The following PRELID2 variants were observed in gnomAD, a reference collection of about 807,000 sequenced individuals.
PRELID2 encodes PRELI domain containing 2.
A neutral mutation model predicts 28.4 loss-of-function variants in PRELID2; 25 were observed. The ratio of observed to expected loss-of-function variants is 0.88; its 90% CI spans 0.64 to 1.23. The LOEUF (loss-of-function observed/expected upper bound fraction) is 1.23. Ranked by LOEUF, PRELID2 falls within the 50% of genes most tolerant of loss-of-function variation. The probability of loss-of-function intolerance (pLI) is 0.00; values close to 1 mark genes in which losing one functional copy is unlikely to be tolerated. For missense variants in PRELID2, 201 were observed against 214.4 expected (o/e 0.94, Z 0.39); for synonymous variants, 76 against 71.6 (o/e 1.06, Z -0.31).
At chr5:145,338,509 T>C in the PRELID2 span, 3 of 152,214 alleles carry the variant, frequency 2.0e-5, no homozygotes, top group Admixed American at 6.5e-5. Flanking sequence ...TTCTGACAAA[T>C]TGCTGTTTTA....
At chr5:145,422,592 A>G in the PRELID2 span, among the ~76,000 whole-genome samples, 26 of 151,608 alleles carry the variant, frequency 1.7e-4, no homozygotes, top group African/African-American at 6.1e-4. Flanking sequence ...GGCTTGGTAG[A>G]TCTTCCTCCA....
intron 1 of PRELID2, among the ~76,000 whole-genome samples, chr5:145,615,851 A>T (rs1753691187): frequency 6.6e-6 from 1 of 152,210 alleles, no homozygotes; most frequent in African/African-American, 2.4e-5. Flanking sequence ...TTTATGCTTT[A>T]AAGAGGTTCT....
intron 1 of PRELID2, among the ~76,000 whole-genome samples, chr5:145,639,573 T>C (rs1355068903): frequency 6.6e-6 from 1 of 152,196 alleles, no homozygotes; most frequent in African/African-American, 2.4e-5. Context: ...CTTACAAACA[T>C]AGTACCTCAA....
chr5:145,312,486 C>A, the PRELID2 span, among the ~76,000 whole-genome samples: 3 of 152,186 alleles, frequency 2.0e-5, no homozygotes, highest in Non-Finnish European at 2.9e-5. Flanking sequence ...ATCCCTTCAG[C>A]CAACGTCTCC....
chr5:145,317,306 A>G, the PRELID2 span, among the ~76,000 whole-genome samples: 6 of 152,238 alleles, frequency 3.9e-5, no homozygotes, highest in African/African-American at 1.4e-4. Context: ...TTGCCATCAT[A>G]TGAAAAGGGT....
At chr5:145,452,545 T>C in the PRELID2 span, among the ~76,000 whole-genome samples, 1 of 152,198 alleles carries the variant, frequency 6.6e-6, no homozygotes, top group Non-Finnish European at 1.5e-5. Flanking sequence ...TATTCTCTAA[T>C]ATGCACTCTT....
At chr5:145,301,326 TTG>T in the PRELID2 span, among the ~76,000 whole-genome samples, 4 of 152,172 alleles carry the variant, frequency 2.6e-5, no homozygotes, top group African/African-American at 9.6e-5. Context: ...AGTTTTCTTT[TTG>T]TGAAGTGTCT....
At chr5:145,380,199 C>A in the PRELID2 span, among the ~76,000 whole-genome samples, 4 of 152,192 alleles carry the variant, frequency 2.6e-5, no homozygotes, top group Non-Finnish European at 4.4e-5. Flanking sequence ...CCCATGGCAA[C>A]AGTGGGTTGC....
chr5:145,436,453 A>G, the PRELID2 span, among the ~76,000 whole-genome samples: 4 of 152,118 alleles, frequency 2.6e-5, no homozygotes, highest in East Asian at 1.9e-4. Context: ...TATGCCCCCA[A>G]AATGGGATTG....
At chr5:145,706,708 A>C (rs926557920) in intron 1 of PRELID2, among the ~76,000 whole-genome samples, 1 of 152,212 alleles carries the variant, frequency 6.6e-6, no homozygotes, top group African/African-American at 2.4e-5. Context: ...TGAAATATAA[A>C]ATAAAATAAT....
intron 1 of PRELID2, among the ~76,000 whole-genome samples, chr5:145,573,735 T>C (rs1753035866): frequency 6.6e-6 from 1 of 152,190 alleles, no homozygotes; most frequent in Non-Finnish European, 1.5e-5. Context: ...ACATTTTCTT[T>C]ATCCAGTCTA....
Position 145,763,239 on chromosome 5 carries a change from C to T in PRELID2, c.*10+1692G>A, listed in dbSNP as rs150423231. On this transcript the variant is annotated intron_variant, in intron 6 of 6. Transcript: ENST00000683046. ...GGATCTGTGCCTAAGCATGCAAGTA[C>T]AAGAGGTGCTTAGTGAGCCTCACAA... 2.0e-3 allele frequency among the ~76,000 whole-genome samples: 301 copies of T among 152,312 alleles called. 1 individual carries two copies. The highest frequency in any genetic ancestry group is 7.0e-3 in the African/African-American group (292 of 41,574).
chr5:145,334,435 T>C, the PRELID2 span, among the ~76,000 whole-genome samples: 1 of 152,220 alleles, frequency 6.6e-6, no homozygotes, highest in Non-Finnish European at 1.5e-5. Flanking sequence ...ATATTATTGT[T>C]GCTATAGTCT....
chr5:145,428,872 C>T, the PRELID2 span, among the ~76,000 whole-genome samples: 17 of 152,050 alleles, frequency 1.1e-4, no homozygotes, highest in Non-Finnish European at 1.0e-4. Context: ...AAAGTGAAGC[C>T]CCCAGGCAGG....
chr5:145,570,226 G>A (rs1347136971), intron 1 of PRELID2, among the ~76,000 whole-genome samples: 2 of 152,082 alleles, frequency 1.3e-5, no homozygotes, highest in Non-Finnish European at 2.9e-5. Context: ...TATGGCACTG[G>A]GGGTTAGGAC....
chr5:145,822,959 T>C, intron 2 of PRELID2, 118 bp downstream of exon 2: 1 of 557,162 alleles, frequency 1.8e-6, no homozygotes, highest in Non-Finnish European at 3.3e-6. Context: ...TGGAAGAAAC[T>C]GCAGGTGAAC....
At chr5:145,428,092 G>A in the PRELID2 span, among the ~76,000 whole-genome samples, 1 of 152,196 alleles carries the variant, frequency 6.6e-6, no homozygotes, top group East Asian at 1.9e-4. Context: ...CGGAGTAGCT[G>A]GGATTACAGG....
intron 1 of PRELID2, among the ~76,000 whole-genome samples, chr5:145,500,490 T>C (rs957322017): frequency 2.0e-5 from 3 of 152,134 alleles, no homozygotes; most frequent in African/African-American, 4.8e-5. Context: ...AATGGACTAA[T>C]ACATTGTCTC....
chr5:145,590,708 C>G (rs1470804200), intron 1 of PRELID2, among the ~76,000 whole-genome samples: 1 of 152,170 alleles, frequency 6.6e-6, no homozygotes, highest in African/African-American at 2.4e-5. Context: ...TCAAACTTAC[C>G]TTTGTCTATT....
Sources: allele counts gnomAD v4.1 joint callset (sites outside exome capture counted in the v4.1 genomes callset), GRCh38; gene constraint gnomAD v4.1.1; transcripts MANE v1.5; gene names NCBI Gene and HGNC (gene_info 2026-07-23, HGNC 2026-07-21).